Variants in VAV3 observed in about 807,000 individuals in gnomAD.
VAV3 encodes vav guanine nucleotide exchange factor 3, also known as guanine nucleotide exchange factor VAV3.
Under a neutral mutation model 131.2 loss-of-function variants are expected in VAV3, and 94 were observed. That is an observed-to-expected ratio of 0.72 (90% CI 0.61 to 0.85). VAV3 has a LOEUF of 0.85. Ranked by LOEUF, VAV3 falls within the 40% of genes least tolerant of loss-of-function variation. VAV3 has a pLI of 0.00. For missense variants in VAV3, 939 were observed against 1,002.7 expected, an observed-to-expected ratio of 0.94 and a Z score of 0.86; for synonymous variants, 349 against 342.0, an observed-to-expected ratio of 1.02 and a Z score of -0.22.
chr1:107,838,853 A>G (rs902050220), intron 2 of VAV3, among the ~76,000 whole-genome samples: 1 of 152,132 alleles, frequency 6.6e-6, no homozygotes, highest in African/African-American at 2.4e-5. Flanking sequence ...AGAAACAGAA[A>G]ATCAAATAAT....
chr1:107,637,753 T>A (rs1008669807), intron 20 of VAV3, among the ~76,000 whole-genome samples: 4 of 152,202 alleles, frequency 2.6e-5, no homozygotes, highest in Non-Finnish European at 5.9e-5. Context: ...TATAAATCTC[T>A]TTTAGAAAGT....
intron 6 of VAV3, among the ~76,000 whole-genome samples, chr1:107,770,283 C>T (rs779625611): frequency 1.3e-5 from 2 of 148,288 alleles, no homozygotes; most frequent in African/African-American, 2.5e-5. Flanking sequence ...CACCAGCCCT[C>T]CCCCCCCATC....
intron 25 of VAV3, among the ~76,000 whole-genome samples, chr1:107,584,449 C>G (rs1650332484): frequency 6.6e-6 from 1 of 152,152 alleles, no homozygotes; most frequent in African/African-American, 2.4e-5. Context: ...GCAAAAGAAA[C>G]TACCATCAGA....
chr1:107,817,572 A>G (rs1331695766), intron 2 of VAV3, among the ~76,000 whole-genome samples: 1 of 152,224 alleles, frequency 6.6e-6, no homozygotes, highest in Non-Finnish European at 1.5e-5. Flanking sequence ...AAGCTTTGAA[A>G]TTACTCAAAT....
intron 19 of VAV3, among the ~76,000 whole-genome samples, chr1:107,659,925 AC>A (rs1656881307): frequency 6.6e-6 from 1 of 152,330 alleles, no homozygotes; most frequent in South Asian, 2.1e-4. Context: ...TGAATAAATC[AC>A]CAGAATACTA....
In VAV3 at chr1:107,573,379, A is replaced by C; in HGVS notation, c.2503-7T>G. On this transcript the variant is annotated splice_region_variant and splice_polypyrimidine_tract_variant and intron_variant, in intron 26 of 26. Transcript: ENST00000370056. ...TGGATGGAAACCAGCCCACCTAAAA[A>C]AGAAAAGCAACCAACACAGCAACAT... 6.2e-7 allele frequency: 1 copy of C among 1,614,100 alleles called. No individual in the cohort carries two copies. The highest frequency in any genetic ancestry group is 1.3e-5 in the African/African-American group (1 of 75,042).
intron 2 of VAV3, among the ~76,000 whole-genome samples, chr1:107,796,969 A>G (rs1022706155): frequency 6.6e-6 from 1 of 152,050 alleles, no homozygotes; most frequent in Non-Finnish European, 1.5e-5. Context: ...AATGAGTAAA[A>G]TAATTTTTTT....
chr1:107,866,685 T>C (rs1235606125), intron 2 of VAV3, among the ~76,000 whole-genome samples: 2 of 151,536 alleles, frequency 1.3e-5, no homozygotes, highest in African/African-American at 2.4e-5. Flanking sequence ...TACCCAGGCA[T>C]GATGGTGCAC....
At chr1:107,678,582 T>C (rs925820099) in intron 19 of VAV3, among the ~76,000 whole-genome samples, 2 of 152,140 alleles carry the variant, frequency 1.3e-5, no homozygotes, top group Non-Finnish European at 2.9e-5. Flanking sequence ...ATTGAACATA[T>C]TGACATTACA....
chr1:107,940,042 T>A (rs1032975484), intron 1 of VAV3, among the ~76,000 whole-genome samples: 6 of 152,148 alleles, frequency 3.9e-5, no homozygotes, highest in Non-Finnish European at 7.4e-5. Flanking sequence ...GGAGGAAAGA[T>A]ATCCAATACA....
At chr1:107,737,399 G>A (rs1250843033) in intron 15 of VAV3, among the ~76,000 whole-genome samples, 4 of 152,084 alleles carry the variant, frequency 2.6e-5, no homozygotes, top group African/African-American at 2.4e-5. Flanking sequence ...AAAAGAAACT[G>A]CCATCAGAGT....
At chr1:107,798,545 T>G (rs35827755) in intron 2 of VAV3, among the ~76,000 whole-genome samples, 2 of 151,392 alleles carry the variant, frequency 1.3e-5, no homozygotes, top group East Asian at 3.9e-4. Context: ...AGTGTAAACC[T>G]CATCTCTACT....
chr1:107,669,666 C>A (rs1300784078), intron 19 of VAV3, among the ~76,000 whole-genome samples: 1 of 152,066 alleles, frequency 6.6e-6, no homozygotes, highest in Non-Finnish European at 1.5e-5. Context: ...TGTTTTCCAG[C>A]ATGAGGTTTA....
At chr1:107,648,504 T>C (rs1655907587) in intron 19 of VAV3, among the ~76,000 whole-genome samples, 1 of 151,982 alleles carries the variant, frequency 6.6e-6, no homozygotes, top group Non-Finnish European at 1.5e-5. Context: ...ATATTTAAGG[T>C]CAAAGCTTCA....
chr1:107,657,870 CTT>C (rs982949454), intron 19 of VAV3, among the ~76,000 whole-genome samples: 3 of 152,180 alleles, frequency 2.0e-5, no homozygotes. Flanking sequence ...TGTTCAACAA[CTT>C]AATCATTAGT....
intron 1 of VAV3, among the ~76,000 whole-genome samples, chr1:107,924,259 G>T (rs753494801): frequency 3.3e-5 from 5 of 151,976 alleles, no homozygotes; most frequent in Admixed American, 1.3e-4. Flanking sequence ...CTATGTCATC[G>T]CTATTTTAAA....
chr1:107,728,799 A>T (rs1366870520), intron 15 of VAV3, among the ~76,000 whole-genome samples: 1 of 152,142 alleles, frequency 6.6e-6, no homozygotes, highest in Non-Finnish European at 1.5e-5. Flanking sequence ...GACAAGAAAC[A>T]ATAATGCAAG....
chr1:107,647,934 A>T (rs779991333), intron 19 of VAV3, among the ~76,000 whole-genome samples: 1 of 152,064 alleles, frequency 6.6e-6, no homozygotes, highest in African/African-American at 2.4e-5. Context: ...CCCTGACATC[A>T]CAGCTTATAG....
intron 24 of VAV3, among the ~76,000 whole-genome samples, chr1:107,598,211 C>T (rs1456270746): frequency 6.6e-6 from 1 of 152,110 alleles, no homozygotes; most frequent in African/African-American, 2.4e-5. Context: ...AAAAAGTTAG[C>T]CAGGTGTGGT....
Sources: allele counts gnomAD v4.1 joint callset (sites outside exome capture counted in the v4.1 genomes callset), GRCh38; gene constraint gnomAD v4.1.1; transcripts MANE v1.5; gene names NCBI Gene and HGNC (gene_info 2026-07-23, HGNC 2026-07-21).